The following CADM2 variants were observed in gnomAD, a reference collection of about 807,000 sequenced individuals.
CADM2 encodes the protein cell adhesion molecule 2, also known as immunoglobulin superfamily member 4D.
A neutral mutation model predicts 49.8 loss-of-function variants in CADM2; 12 were observed. The ratio of observed to expected loss-of-function variants is 0.24; its 90% confidence interval spans 0.15 to 0.39. CADM2 has a LOEUF of 0.39. Ranked by LOEUF, CADM2 falls within the 10% of genes least tolerant of loss-of-function variation. CADM2 has a pLI of 1.00. For synonymous variants in CADM2, 214 were observed against 175.4 expected (o/e 1.22, Z -1.74); for missense variants, 378 against 492.3 (o/e 0.77, Z 2.20).
At chr3:85,385,626 A>T (rs1211120911) in intron 1 of CADM2, 1 of 150,834 alleles carries the variant, frequency 6.6e-6, no homozygotes, top group African/African-American at 2.4e-5. Flanking sequence ...AGTGATCCCT[A>T]TTTTTTTTCA....
At chr3:85,568,649 C>CTCT (rs2062389306) in intron 1 of CADM2, among the ~76,000 whole-genome samples, 1 of 132,898 alleles carries the variant, frequency 7.5e-6, no homozygotes, top group South Asian at 2.4e-4. Flanking sequence ...GTTGCCGAGG[C>CTCT]TGGAGTGCAG....
At chr3:85,676,138 C>T (rs1347829749) in intron 1 of CADM2, among the ~76,000 whole-genome samples, 1 of 152,180 alleles carries the variant, frequency 6.6e-6, no homozygotes, top group Non-Finnish European at 1.5e-5. Context: ...GGGTCTGTTG[C>T]ATTAGGCCTC....
rs1031513861 is a variant in CADM2, at chr3:86,014,702, A to G, written c.971-50903A>G. On this transcript the variant is annotated intron_variant, in intron 8 of 9. Coordinates refer to ENST00000383699, the MANE Select transcript of CADM2 (RefSeq NM_001167675.2). ...AACTCAAATTCAATACACCGGAGGA[A>G]CACCATGCTGACATGTGTAGAAGTG... The G allele has an allele frequency of 2.6e-6, 4 of 1,529,568 alleles. No homozygotes were observed. The African/African-American group carries it at 5.5e-5, about 21-fold the overall frequency. 94.7% of individuals were successfully genotyped at this position (1,529,568 alleles called of 1,614,324 possible). A position where few individuals can be genotyped will look rare whatever the true frequency, so the allele number is the denominator to read the frequency against.
intron 1 of CADM2, among the ~76,000 whole-genome samples, chr3:85,071,348 G>A (rs2036735436): frequency 6.6e-6 from 1 of 152,074 alleles, no homozygotes; most frequent in Admixed American, 6.6e-5. Flanking sequence ...CAGGACAAGT[G>A]CTTATAAAAT....
chr3:85,029,055 C>G (rs542331132), intron 1 of CADM2, among the ~76,000 whole-genome samples: 1 of 151,838 alleles, frequency 6.6e-6, no homozygotes, highest in African/African-American at 2.4e-5. Flanking sequence ...TCTCTATTTA[C>G]AAATTATAGA....
At chr3:85,873,093 A>G (rs1184460413) in intron 3 of CADM2, among the ~76,000 whole-genome samples, 1 of 152,078 alleles carries the variant, frequency 6.6e-6, no homozygotes, top group Non-Finnish European at 1.5e-5. Flanking sequence ...CACTTCCCAA[A>G]ACTTCTTTGT....
chr3:85,280,742 A>T lies in CADM2; in HGVS notation c.61+321074A>T, dbSNP rs2043479517. Among the ~76,000 whole-genome samples, 3 of 152,008 alleles carry T rather than the reference A, an allele frequency of 2.0e-5. No homozygotes were observed. The South Asian group carries it at 6.2e-4, about 31-fold the overall frequency. On this transcript the variant is annotated intron_variant, in intron 1 of 9. Coordinates refer to ENST00000383699, the MANE Select transcript of CADM2 (RefSeq NM_001167675.2). Reference sequence around the variant, plus strand: ...TGGTTTTGGGAACTTCATTAGCAACAGCAGATGCTATAGGAGAAATAAAGA... The same window carrying T: ...TGGTTTTGGGAACTTCATTAGCAACTGCAGATGCTATAGGAGAAATAAAGA...
At chr3:85,967,556 T>A (rs1466740646) in intron 8 of CADM2, among the ~76,000 whole-genome samples, 1 of 151,568 alleles carries the variant, frequency 6.6e-6, no homozygotes, top group Non-Finnish European at 1.5e-5. Context: ...TAATAATACA[T>A]CCCTAATCTT....
chr3:85,564,905 C>T (rs1478475794), intron 1 of CADM2, among the ~76,000 whole-genome samples: 1 of 151,924 alleles, frequency 6.6e-6, no homozygotes, highest in Non-Finnish European at 1.5e-5. Context: ...TTTAAGAGTA[C>T]AGAGATGGAA....
rs151249039 is a variant in CADM2, at chr3:85,545,097, C to A, written c.62-181425C>A. ...CACAATGTGTCTTTAAAAGACACAA[C>A]GGAAGAAAGCATGCTGATGTGTTAT... On this transcript the variant is annotated intron_variant, in intron 1 of 9. Transcript: ENST00000383699. 3.9e-5 allele frequency among the ~76,000 whole-genome samples: 6 copies of A among 152,140 alleles called. No individual in the cohort carries two copies. The East Asian group carries it at 1.2e-3, about 29-fold the overall frequency.
chr3:85,428,155 T>A (rs1160836892), intron 1 of CADM2, among the ~76,000 whole-genome samples: 1 of 151,496 alleles, frequency 6.6e-6, no homozygotes, highest in Non-Finnish European at 1.5e-5. Flanking sequence ...ACATGAATTA[T>A]AGAATTCATA....
chr3:85,739,055 G>A (rs1211066831), intron 2 of CADM2, among the ~76,000 whole-genome samples: 1 of 151,820 alleles, frequency 6.6e-6, no homozygotes, highest in Non-Finnish European at 1.5e-5. Flanking sequence ...ATTTAATTTT[G>A]GCAAAAAATT....
chr3:85,023,535 A>G (rs1442015834), intron 1 of CADM2, among the ~76,000 whole-genome samples: 2 of 151,974 alleles, frequency 1.3e-5, no homozygotes, highest in African/African-American at 4.8e-5. Flanking sequence ...GTCTAGAGGA[A>G]AAAGGTCTCG....
At chr3:85,014,546 T>C (rs946587074) in intron 1 of CADM2, among the ~76,000 whole-genome samples, 1 of 152,156 alleles carries the variant, frequency 6.6e-6, no homozygotes, top group African/African-American at 2.4e-5. Context: ...TTGGAATATA[T>C]CTTCCATGAA....
chr3:85,442,376 G>A (rs77643461), intron 1 of CADM2, among the ~76,000 whole-genome samples: 15,943 of 151,420 alleles, frequency 0.11, 1,074 homozygotes, highest in Non-Finnish European at 0.13. Flanking sequence ...TGAATATAGC[G>A]GAGCAAATGA....
At chr3:85,245,510 CAA>C (rs397732524) in intron 1 of CADM2, among the ~76,000 whole-genome samples, 5 of 135,150 alleles carry the variant, frequency 3.7e-5, no homozygotes, top group African/African-American at 5.3e-5. Flanking sequence ...GGCTCTGTCT[CAA>C]AAAAAAAAAA....
chr3:85,791,374 T>A (rs1459649383), intron 2 of CADM2, among the ~76,000 whole-genome samples: 1 of 152,154 alleles, frequency 6.6e-6, no homozygotes, highest in Non-Finnish European at 1.5e-5. Context: ...TTAGTGGAAG[T>A]AATAGCATGC....
rs1296304438 is a variant in CADM2 at position 85,999,271 on chromosome 3, T to TGGGG, written c.970+37627_970+37630dup. 2.4e-3 allele frequency among the ~76,000 whole-genome samples: 343 copies of TGGGG among 143,152 alleles called. 6 individuals carry two copies. Among genetic ancestry groups the TGGGG allele is most frequent in the African/African-American group, 8.0e-3 (305 of 37,926 alleles). The allele number at this position is 143,152 out of a possible 152,430, so 93.9% of individuals were successfully genotyped here. On this transcript the variant is annotated intron_variant, in intron 8 of 9. Transcript: ENST00000383699. ...CCCATCACTTTGGGAGGCCGAGGGT[T>TGGGG]GGGGGGTGGATCACTTGAGTTCAGG... is the stretch of plus-strand genomic sequence containing the variant.
intron 1 of CADM2, among the ~76,000 whole-genome samples, chr3:85,718,767 T>C (rs1393541427): frequency 2.0e-5 from 3 of 151,702 alleles, no homozygotes; most frequent in African/African-American, 7.3e-5. Flanking sequence ...TAAGTAATTA[T>C]ATAGATTACT....
Sources: allele counts gnomAD v4.1 joint callset (sites outside exome capture counted in the v4.1 genomes callset), GRCh38; gene constraint gnomAD v4.1.1; transcripts MANE v1.5; gene names NCBI Gene and HGNC (gene_info 2026-07-23, HGNC 2026-07-21).